FRYL: variants seen among roughly 807,000 people sequenced by gnomAD.
FRYL encodes FRY like transcription coactivator.
FRYL carries 150 observed loss-of-function variants against 351.2 expected under a neutral mutation model. The ratio of observed to expected loss-of-function variants is 0.43; its 90% CI spans 0.37 to 0.49. FRYL has a LOEUF of 0.49. FRYL is among the 20% of genes least tolerant of loss of function. The probability of loss-of-function intolerance (pLI) is 0.00; values close to 1 mark genes in which losing one functional copy is unlikely to be tolerated. For synonymous variants in FRYL, 1,153 were observed against 1,257.1 expected (o/e 0.92, Z 1.75); for missense variants, 3,036 against 3,619.3 (o/e 0.84, Z 4.13).
intron 33 of FRYL, 86 bp downstream of exon 33, chr4:48,561,382 A>G (rs1735470457): frequency 1.1e-6 from 1 of 875,712 alleles, no homozygotes; most frequent in Non-Finnish European, 1.6e-6. Context: ...TTTAACCTGT[A>G]ATTTAATAAA....
At chr4:48,594,039 T>A in intron 15 of FRYL, 23 bp from the exon 16 acceptor site, 34 of 1,164,378 alleles carry the variant, frequency 2.9e-5, no homozygotes, top group Middle Eastern at 1.9e-4. Flanking sequence ...AAAATCCTTA[T>A]AACTTGCTAC....
intron 4 of FRYL, 100 bp downstream of exon 4, chr4:48,634,191 A>AT (rs1418504108): frequency 2.5e-5 from 22 of 880,530 alleles, no homozygotes; most frequent in Non-Finnish European, 3.7e-5. Context: ...ATCCCTTAAT[A>AT]TTTTTTTCAA....
At chr4:48,766,192 T>C (rs985914249) in intron 1 of FRYL, among the ~76,000 whole-genome samples, 20 of 152,222 alleles carry the variant, frequency 1.3e-4, no homozygotes, top group African/African-American at 2.4e-5. Context: ...ACGTTCACTG[T>C]GGCGTTATTC....
intron 4 of FRYL, among the ~76,000 whole-genome samples, chr4:48,627,088 C>G (rs1233697391): frequency 2.6e-5 from 4 of 152,054 alleles, no homozygotes; most frequent in Non-Finnish European, 5.9e-5. Context: ...AATATATGTT[C>G]AATTAACTAG....
chr4:48,688,683 AG>A (rs1765402397), intron 2 of FRYL, among the ~76,000 whole-genome samples: 2 of 67,972 alleles, frequency 2.9e-5, no homozygotes, highest in Non-Finnish European at 5.4e-5. Context: ...TTTTTTTTTG[AG>A]ATGGAGTCTC....
chr4:48,522,953 G>A lies in FRYL; in HGVS notation c.7469C>T (p.Ser2490Leu). Residue 2490 changes from serine to leucine, a missense_variant, in exon 54 of 64, where the codon TCG becomes TTG. Physicochemically the swap from Ser to Leu is moderately radical, Grantham distance 145. Around this residue, in one of 7 missense-constraint regions of FRYL, gnomAD observed 1,987 missense variants for 2,311.7 expected, o/e 0.86. Coordinates refer to ENST00000358350, the MANE Select transcript of FRYL (RefSeq NM_015030.2). ...TGCTGTAAGTGCCGCTTCTTCTTCC[G>A]AGGACTCATCTGTATCCTCCTGATT... is the stretch of plus-strand genomic sequence containing the variant. ...LTNQEDTDES[S>L]EEEAALTASQ... 1.2e-6 allele frequency: 2 copies of A among 1,613,980 alleles called. No individual in the cohort carries two copies. Among genetic ancestry groups the A allele is most frequent in the Non-Finnish European group, 1.7e-6 (2 of 1,179,918 alleles).
intron 41 of FRYL, chr4:48,546,885 A>G (rs948997410): frequency 1.3e-5 from 2 of 152,538 alleles, no homozygotes; most frequent in Non-Finnish European, 2.9e-5. Flanking sequence ...AAGTTTCCTA[A>G]TAATTGTTTC....
intron 62 of FRYL, 102 bp from the exon 63 acceptor site, chr4:48,500,322 A>G (rs1719266871): frequency 1.6e-6 from 1 of 633,812 alleles, no homozygotes; most frequent in Non-Finnish European, 2.5e-6. Flanking sequence ...TGTTGCTCTT[A>G]AAGATTATTT....
chr4:48,648,363 T>C (rs1227477498), intron 3 of FRYL, among the ~76,000 whole-genome samples: 1 of 152,188 alleles, frequency 6.6e-6, no homozygotes, highest in Non-Finnish European at 1.5e-5. Context: ...ATTCCCACCA[T>C]GCTCTCCATA....
At chr4:48,748,694 G>C (rs1466700575) in intron 1 of FRYL, among the ~76,000 whole-genome samples, 1 of 152,204 alleles carries the variant, frequency 6.6e-6, no homozygotes, top group Non-Finnish European at 1.5e-5. Flanking sequence ...CTGGGCAGTT[G>C]AGATGTATCA....
chr4:48,543,750 T>A, intron 44 of FRYL, 57 bp downstream of exon 44: 2 of 1,488,286 alleles, frequency 1.3e-6, no homozygotes, highest in Non-Finnish European at 9.2e-7. Context: ...ATATGGACAA[T>A]AAATCCTTGA....
At chr4:48,520,493 A>G (rs909013366) in intron 55 of FRYL, 1 of 152,192 alleles carries the variant, frequency 6.6e-6, no homozygotes, top group African/African-American at 2.4e-5. Flanking sequence ...TAAAAAGTAT[A>G]ATAATCTTTA....
intron 13 of FRYL, chr4:48,599,022 A>G (rs1225991860): frequency 5.8e-6 from 1 of 173,130 alleles, no homozygotes; most frequent in African/African-American, 2.4e-5. Flanking sequence ...CAGAAACACT[A>G]AGAAAAAAAA....
At chr4:48,560,455 G>A (rs1225848746) in intron 33 of FRYL, among the ~76,000 whole-genome samples, 2 of 152,114 alleles carry the variant, frequency 1.3e-5, no homozygotes, top group African/African-American at 4.8e-5. Context: ...AGGTGGTGGG[G>A]GTGTGGGCAT....
rs766481237 is a variant in FRYL, at chr4:48,546,046, G to A, written c.5279+21C>T. The A allele has an allele frequency of 4.4e-6, 7 of 1,600,668 alleles. No individual in the cohort carries two copies. The Admixed American group carries it at 1.2e-4, about 27-fold the overall frequency. ...GACTTAACACATACACTGCTGGGAT[G>A]ATAAGAGCTGCCAGTGTTACCTTGA... On this transcript the variant is annotated intron_variant, in intron 42 of 63. Coordinates refer to ENST00000358350, the MANE Select transcript of FRYL (RefSeq NM_015030.2).
chr4:48,757,338 A>AC (rs986690032), intron 1 of FRYL, among the ~76,000 whole-genome samples: 2 of 152,034 alleles, frequency 1.3e-5, no homozygotes, highest in African/African-American at 4.8e-5. Flanking sequence ...TATTTAGAAA[A>AC]CCCCATTGTC....
Position 48,543,797 on chromosome 4 carries a change from A to T in FRYL, c.5592+10T>A, listed in dbSNP as rs10517225. On this transcript the variant is annotated intron_variant, in intron 44 of 63. Transcript: ENST00000358350. Reference sequence around the variant, plus strand: ...TGCTCAATAACTGCTGAAAGAATATAAGGAAATACCTGTGCATCTTCTCCT... The same window carrying T: ...TGCTCAATAACTGCTGAAAGAATATTAGGAAATACCTGTGCATCTTCTCCT... The T allele has an allele frequency of 0.03, 47,967 of 1,608,632 alleles. 783 individuals are homozygous for T. Among genetic ancestry groups the T allele is most frequent in the Admixed American group, 0.057 (3,373 of 59,176 alleles).
At chr4:48,664,849 A>C (rs1294630282) in intron 3 of FRYL, among the ~76,000 whole-genome samples, 1 of 152,226 alleles carries the variant, frequency 6.6e-6, no homozygotes, top group African/African-American at 2.4e-5. Context: ...AAACCACTCA[A>C]TAATGAAGAG....
chr4:48,779,467 G>A (rs1185214237), intron 1 of FRYL, among the ~76,000 whole-genome samples: 1 of 152,138 alleles, frequency 6.6e-6, no homozygotes, highest in Non-Finnish European at 1.5e-5. Flanking sequence ...GGAGAGACCA[G>A]AGCAAGGGAA....
Sources: allele counts gnomAD v4.1 joint callset (sites outside exome capture counted in the v4.1 genomes callset), GRCh38; gene constraint gnomAD v4.1.1; regional missense constraint gnomAD v4.1.1; transcripts MANE v1.5; gene names NCBI Gene and HGNC (gene_info 2026-07-23, HGNC 2026-07-21).